The following SEMA6D variants were observed in gnomAD, a reference collection of about 807,000 sequenced individuals.
The protein encoded by SEMA6D is semaphorin 6D.
A neutral mutation model predicts 106.6 loss-of-function variants in SEMA6D; 35 were observed. The observed-to-expected ratio is 0.33, with a 90% CI of 0.25 to 0.44. The LOEUF is 0.44. Ranked by LOEUF, SEMA6D falls within the 20% of genes least tolerant of loss-of-function variation. The pLI is 1.00. For missense variants in SEMA6D, 1,185 were observed against 1,345.9 expected (o/e 0.88, Z 1.87); for synonymous variants, 499 against 487.7 (o/e 1.02, Z -0.31).
At chr15:47,494,329 G>A (rs558747102) in intron 3 of SEMA6D, among the ~76,000 whole-genome samples, 7 of 152,126 alleles carry the variant, frequency 4.6e-5, no homozygotes, top group Admixed American at 1.3e-4. Context: ...TATAGCATAT[G>A]AACTCTTTCA....
chr15:47,641,594 C>T (rs140325886), intron 4 of SEMA6D, among the ~76,000 whole-genome samples: 1 of 152,284 alleles, frequency 6.6e-6, no homozygotes, highest in African/African-American at 2.4e-5. Context: ...AATGTGGCTC[C>T]TTTTATGAAG....
intron 3 of SEMA6D, among the ~76,000 whole-genome samples, chr15:47,503,344 C>G (rs979350580): frequency 6.6e-6 from 1 of 152,068 alleles, no homozygotes; most frequent in Non-Finnish European, 1.5e-5. Flanking sequence ...GAAAGAAAAA[C>G]AAAGTGAGAA....
chr15:47,747,169 G>C (rs1251521950), intron 1 of SEMA6D, among the ~76,000 whole-genome samples: 1 of 152,050 alleles, frequency 6.6e-6, no homozygotes, highest in East Asian at 1.9e-4. Context: ...CACTGTTAAT[G>C]AGGATTGTTT....
At chr15:47,576,189 G>A (rs1327287939) in intron 3 of SEMA6D, among the ~76,000 whole-genome samples, 1 of 152,094 alleles carries the variant, frequency 6.6e-6, no homozygotes, top group Admixed American at 6.6e-5. Flanking sequence ...AAACTATATT[G>A]GAATTTATCT....
intron 4 of SEMA6D, among the ~76,000 whole-genome samples, chr15:47,625,165 T>G (rs763715570): frequency 1.6e-4 from 25 of 152,064 alleles, no homozygotes; most frequent in Admixed American, 1.3e-4. Flanking sequence ...TCCCAAAGAT[T>G]TTTTGGGGGG....
At chr15:47,713,113 C>G (rs2146110239), upstream of SEMA6D, among the ~76,000 whole-genome samples, 1 of 152,248 alleles carries the variant, frequency 6.6e-6, no homozygotes. Context: ...CGCTTGGGCA[C>G]TCAGTGTCCT....
chr15:47,385,506 T>C (rs1179270887), intron 1 of SEMA6D, among the ~76,000 whole-genome samples: 1 of 152,134 alleles, frequency 6.6e-6, no homozygotes, highest in Non-Finnish European at 1.5e-5. Context: ...GCCTCTGCTT[T>C]CCCTGAGATT....
In SEMA6D at chr15:47,228,163, C is replaced by T. The variant is rs28377996; in HGVS notation, c.-239+43745C>T. Reference sequence around the variant, plus strand: ...ACACACACACACACACACACACACACATATATATATAACCTTTTGTTACTT... The same window carrying T: ...ACACACACACACACACACACACACATATATATATATAACCTTTTGTTACTT... On this transcript the variant is annotated intron_variant, in intron 1 of 19. Transcript: ENST00000558014. Among the ~76,000 whole-genome samples, 114 of 136,816 alleles carry T rather than the reference C, an allele frequency of 8.3e-4. 2 individuals carry two copies. The highest frequency in any genetic ancestry group is 2.4e-3 in the African/African-American group (87 of 36,822). The allele number at this position is 136,816 out of a possible 152,430, so 89.8% of individuals were successfully genotyped here.
chr15:47,300,565 C>CT (rs897270334), intron 1 of SEMA6D, among the ~76,000 whole-genome samples: 10 of 152,076 alleles, frequency 6.6e-5, no homozygotes, highest in Admixed American at 1.3e-4. Context: ...TAGCTAGGTG[C>CT]TTTTTTTAAC....
At chr15:47,713,972 C>A (rs764894002), upstream of SEMA6D, among the ~76,000 whole-genome samples, 12 of 152,150 alleles carry the variant, frequency 7.9e-5, no homozygotes, top group Non-Finnish European at 1.5e-4. Context: ...AATATTTATT[C>A]AGTGCTTGCT....
intron 1 of SEMA6D, among the ~76,000 whole-genome samples, chr15:47,293,487 A>ATCTT (rs1899430724): frequency 6.6e-6 from 1 of 152,206 alleles, no homozygotes; most frequent in African/African-American, 2.4e-5. Flanking sequence ...CTTTGGGTTA[A>ATCTT]TAAAGGCTGG....
rs144182891 is a variant in SEMA6D at position 47,609,481 on chromosome 15, G to T, written c.-55+8585G>T. On this transcript the variant is annotated intron_variant, in intron 4 of 19. Coordinates refer to the SEMA6D transcript ENST00000558014. The stretch of plus-strand genomic sequence containing the variant: ...TGGCCAGTTTTTTCTGCCTATTTAG[G>T]TACGTATTCGCTTAAGCTGCCCCTA... Among the ~76,000 whole-genome samples, 686 of 152,154 alleles carry T rather than the reference G, an allele frequency of 4.5e-3. 9 individuals carry two copies. Among genetic ancestry groups the T allele is most frequent in the African/African-American group, 0.016 (648 of 41,528 alleles).
intron 1 of SEMA6D, among the ~76,000 whole-genome samples, chr15:47,228,163 C>CACACACATAT (rs374770930): frequency 0.027 from 3,632 of 136,726 alleles, 146 homozygotes; most frequent in African/African-American, 0.087. Flanking sequence ...CACACACACA[C>CACACACATAT]ATATATATAT....
chr15:47,583,646 A>T (rs986122759), intron 3 of SEMA6D, among the ~76,000 whole-genome samples: 3 of 152,166 alleles, frequency 2.0e-5, no homozygotes, highest in Admixed American at 6.5e-5. Flanking sequence ...TTTCTACCTG[A>T]GTGTAAACCA....
At chr15:47,420,244 T>G (rs773373012) in intron 2 of SEMA6D, among the ~76,000 whole-genome samples, 20 of 152,086 alleles carry the variant, frequency 1.3e-4, no homozygotes, top group Non-Finnish European at 1.8e-4. Flanking sequence ...ACCTTTGCCT[T>G]CCTTCAACAG....
Position 47,767,054 on chromosome 15 carries a change from A to G in SEMA6D, c.1726A>G (p.Thr576Ala), listed in dbSNP as rs751941809. ...GDCHEILPTS[T>A]TPDYKIFGGP... ...TCTTTTAGAAATTTTGCCTACTTCA[A>G]CTACACCAGATTACAAAATATTTGG... The change falls in exon 17 of 19, where the codon ACT becomes GCT. Residue 576 changes from threonine (T) to alanine (A), a missense_variant. Thr to Ala is a moderately conservative substitution (Grantham distance 58). Around this residue, in one of 3 missense-constraint regions of SEMA6D, gnomAD observed 750 missense variants for 783.5 expected, o/e 0.96. Transcript: ENST00000536845. The G allele has an allele frequency of 1.5e-5, 23 of 1,570,972 alleles. No individual in the cohort carries two copies. The highest frequency in any genetic ancestry group is 5.5e-5 in the African/African-American group (4 of 72,772).
At chr15:47,543,792 G>A (rs80294624) in intron 3 of SEMA6D, among the ~76,000 whole-genome samples, 3,497 of 152,100 alleles carry the variant, frequency 0.023, 135 homozygotes, top group African/African-American at 0.079. Context: ...ATGACAAGAA[G>A]ATGGTAACCT....
chr15:47,262,470 C>T (rs540731177), intron 1 of SEMA6D, among the ~76,000 whole-genome samples: 1 of 152,068 alleles, frequency 6.6e-6, no homozygotes, highest in East Asian at 1.9e-4. Flanking sequence ...AGAATGAGGG[C>T]TGAGCAAAGG....
chr15:47,201,744 G>A (rs952139410), intron 1 of SEMA6D, among the ~76,000 whole-genome samples: 8 of 152,228 alleles, frequency 5.3e-5, no homozygotes, highest in African/African-American at 1.9e-4. Flanking sequence ...CCAAGATTGT[G>A]GAGTGTCCCA....
Sources: allele counts gnomAD v4.1 joint callset (sites outside exome capture counted in the v4.1 genomes callset), GRCh38; gene constraint gnomAD v4.1.1; regional missense constraint gnomAD v4.1.1; transcripts MANE v1.5; gene names NCBI Gene and HGNC (gene_info 2026-07-23, HGNC 2026-07-21).